The following STAG1 variants were observed in gnomAD, a reference collection of about 807,000 sequenced individuals.
The protein encoded by STAG1 is cohesin subunit SA-1.
Under a neutral mutation model 170.9 loss-of-function variants are expected in STAG1, and 26 were observed. The observed-to-expected ratio is 0.15, with a 90% CI of 0.11 to 0.21. The LOEUF (loss-of-function observed/expected upper bound fraction) is 0.21. Among genes scored for constraint, STAG1 ranks in the 10% least tolerant of loss-of-function variants. The probability of loss-of-function intolerance (pLI) is 1.00; values close to 1 mark genes in which losing one functional copy is unlikely to be tolerated. For missense variants in STAG1, 964 were observed against 1,509.5 expected (o/e 0.64, Z 5.99); for synonymous variants, 514 against 497.7 (o/e 1.03, Z -0.44).
rs1444196887 is a variant in STAG1 at position 136,337,441 on chromosome 3, T to TA, written c.*812dup. ...TACTTTATTTGCTGGTAGAAGTTGC[T>TA]AAAAATGCACAGAACAAATACCAAT... On this transcript the variant is annotated 3_prime_UTR_variant, in exon 34 of 34. Coordinates refer to ENST00000383202, the MANE Select transcript of STAG1 (RefSeq NM_005862.3). The TA allele has an allele frequency of 1.3e-5, 2 of 152,634 alleles. No individual in the cohort carries two copies. Among genetic ancestry groups the TA allele is most frequent in the Non-Finnish European group, 2.9e-5 (2 of 68,032 alleles). 9.5% of individuals were successfully genotyped at this position (152,634 alleles called of 1,614,324 possible).
intron 1 of STAG1, among the ~76,000 whole-genome samples, chr3:136,669,795 T>C (rs547061118): frequency 5.3e-5 from 8 of 152,332 alleles, no homozygotes; most frequent in African/African-American, 1.7e-4. Context: ...CAGAGCTATA[T>C]TGCTGCAGAA....
At chr3:136,717,481 T>C (rs9813590) in intron 1 of STAG1, among the ~76,000 whole-genome samples, 61,229 of 151,754 alleles carry the variant, frequency 0.4, 13,457 homozygotes, top group African/African-American at 0.57. Flanking sequence ...CTGGCCAACA[T>C]GGCAGAATCC....
intron 21 of STAG1, among the ~76,000 whole-genome samples, chr3:136,406,281 C>A (rs1267066305): frequency 6.6e-6 from 1 of 152,104 alleles, no homozygotes; most frequent in Non-Finnish European, 1.5e-5. Flanking sequence ...ATATTATGCT[C>A]AGTGAAAGAC....
intron 22 of STAG1, among the ~76,000 whole-genome samples, chr3:136,386,369 T>C (rs2086873903): frequency 6.6e-6 from 1 of 151,802 alleles, no homozygotes; most frequent in Admixed American, 6.6e-5. Context: ...AAAATAAAAG[T>C]CTTGTCAGCA....
At chr3:136,413,090 C>T (rs1559785816) in intron 21 of STAG1, among the ~76,000 whole-genome samples, 1 of 151,256 alleles carries the variant, frequency 6.6e-6, no homozygotes, top group East Asian at 1.9e-4. Context: ...TCTCGAACTC[C>T]TGACCTCAAG....
intron 9 of STAG1, 150 bp from the exon 10 acceptor site, chr3:136,477,562 A>G: frequency 4.7e-6 from 3 of 643,960 alleles, no homozygotes; most frequent in East Asian, 3.0e-5. Context: ...TCTGTTTTTC[A>G]TGTTTTCTAT....
chr3:136,377,608 AT>A, intron 23 of STAG1, 51 bp downstream of exon 23: 1 of 1,439,450 alleles, frequency 6.9e-7, no homozygotes, highest in South Asian at 1.2e-5. Context: ...CTTAATGTTC[AT>A]TAATGTATTT....
chr3:136,459,859 T>C (rs2089225644), intron 13 of STAG1, among the ~76,000 whole-genome samples: 1 of 151,998 alleles, frequency 6.6e-6, no homozygotes, highest in Non-Finnish European at 1.5e-5. Flanking sequence ...GCTAAAGCAG[T>C]TCTAAAGGAA....
At chr3:136,674,394 C>G (rs771235422) in intron 1 of STAG1, among the ~76,000 whole-genome samples, 1 of 152,158 alleles carries the variant, frequency 6.6e-6, no homozygotes, top group Non-Finnish European at 1.5e-5. Flanking sequence ...AGAAGCCAGA[C>G]AGAACAGTAC....
chr3:136,640,678 GTT>G (rs767145786), intron 1 of STAG1, among the ~76,000 whole-genome samples: 4 of 124,990 alleles, frequency 3.2e-5, no homozygotes, highest in Non-Finnish European at 5.2e-5. Flanking sequence ...CTGTTTTGTT[GTT>G]TTTTTTTTTT....
At chr3:136,540,393 C>T (rs1257651409) in intron 6 of STAG1, among the ~76,000 whole-genome samples, 4 of 151,170 alleles carry the variant, frequency 2.6e-5, no homozygotes, top group African/African-American at 4.9e-5. Flanking sequence ...TCAAATATTG[C>T]GAGAAAATAT....
At chr3:136,613,617 G>A (rs1428860981) in intron 3 of STAG1, among the ~76,000 whole-genome samples, 11 of 152,120 alleles carry the variant, frequency 7.2e-5, no homozygotes, top group Non-Finnish European at 1.5e-4. Flanking sequence ...CTCCCAAGGA[G>A]ATGGGATTAC....
intron 13 of STAG1, among the ~76,000 whole-genome samples, chr3:136,458,451 C>T (rs1009144734): frequency 5.3e-5 from 8 of 152,122 alleles, no homozygotes; most frequent in Non-Finnish European, 8.8e-5. Context: ...GCCACCATGC[C>T]CTACATAAAA....
Position 136,591,826 on chromosome 3 carries a change from T to A in STAG1, c.297+12483A>T, listed in dbSNP as rs571228002. 3.2e-4 allele frequency among the ~76,000 whole-genome samples: 48 copies of A among 152,320 alleles called. No individual in the cohort carries two copies. The South Asian group carries it at 4.1e-3, about 13-fold the overall frequency. On this transcript the variant is annotated intron_variant, in intron 4 of 33. Coordinates refer to ENST00000383202, the MANE Select transcript of STAG1 (RefSeq NM_005862.3). ...ACCTTTAAAAGGTATCCCATCACTT[T>A]GAAATGGCCCTAGGGTATCATCTTA... is the stretch of plus-strand genomic sequence containing the variant.
intron 23 of STAG1, among the ~76,000 whole-genome samples, chr3:136,373,421 GTTCTT>G (rs1937455055): frequency 6.6e-6 from 1 of 152,060 alleles, no homozygotes; most frequent in Non-Finnish European, 1.5e-5. Flanking sequence ...TGTTTCTCTA[GTTCTT>G]TTAATTGTGA....
At chr3:136,568,963 A>G (rs1007386162) in intron 4 of STAG1, 102 bp from the exon 5 acceptor site, 8 of 764,208 alleles carry the variant, frequency 1.0e-5, no homozygotes, top group South Asian at 1.8e-5. Context: ...TTCTATCTGA[A>G]CGAGAAAATT....
In STAG1 at chr3:136,477,273, G is replaced by A. The variant is rs758543377; in HGVS notation, c.1026+16C>T. On this transcript the variant is annotated intron_variant, in intron 10 of 33. Transcript: ENST00000383202. ...CAAACATAACTTCCATCAAAGCTTA[G>A]AACAGAGTAACTTACCCTGTCATGA... 1.2e-6 allele frequency: 2 copies of A among 1,605,460 alleles called. No homozygotes were observed. Among genetic ancestry groups the A allele is most frequent in the South Asian group, 2.3e-5 (2 of 88,882 alleles).
At chr3:136,597,320 T>A (rs1938474571) in intron 4 of STAG1, among the ~76,000 whole-genome samples, 1 of 152,288 alleles carries the variant, frequency 6.6e-6, no homozygotes, top group East Asian at 1.9e-4. Context: ...AAAAAGTGGT[T>A]TCCACAGTGT....
In STAG1 at chr3:136,472,224, A is replaced by G. The variant is rs187177126; in HGVS notation, c.1205+189T>C. 2.0e-5 allele frequency among the ~76,000 whole-genome samples: 3 copies of G among 152,348 alleles called. No individual in the cohort carries two copies. In the East Asian group the frequency reaches 5.8e-4, roughly 29 times the overall value. On this transcript the variant is annotated intron_variant, in intron 12 of 33. Transcript: ENST00000383202. The stretch of plus-strand genomic sequence containing the variant: ...AATTTTTATGTGGAAGAAGTAAACA[A>G]TAGTGAAAATAAAAAACAAAAATAG...
Sources: gnomAD v4.1 joint callset for allele counts (sites outside exome capture counted in the v4.1 genomes callset) on GRCh38, gnomAD v4.1.1 for gene constraint, MANE v1.5 for transcripts, NCBI Gene and HGNC (gene_info 2026-07-23, HGNC 2026-07-21) for gene names.